Variants in PPEF1 observed in about 807,000 individuals in gnomAD.
PPEF1 encodes the protein protein phosphatase with EF-hand domain 1.
A neutral mutation model predicts 53.3 loss-of-function variants in PPEF1; 12 were observed. That is an observed-to-expected ratio of 0.23 (90% CI 0.14 to 0.36). The LOEUF (loss-of-function observed/expected upper bound fraction) is 0.36, where lower values mean the gene tolerates loss of function less well. Among genes scored for constraint, PPEF1 ranks in the 10% least tolerant of loss-of-function variants. The pLI, the probability that PPEF1 is intolerant of heterozygous loss-of-function variation, is 1.00. For missense variants in PPEF1, 334 were observed against 490.4 expected (o/e 0.68, Z 3.01); for synonymous variants, 165 against 176.7 (o/e 0.93, Z 0.52).
chrX:18,678,202 G>A (rs1288299891), upstream of PPEF1, among the ~76,000 whole-genome samples: 7 of 107,691 alleles, frequency 6.5e-5, no homozygotes, highest in South Asian at 4.1e-4. Flanking sequence ...AAGCTGAGGC[G>A]GGCGGATTGC....
intron 2 of PPEF1, among the ~76,000 whole-genome samples, chrX:18,685,704 GAAAA>G (rs1198719875): frequency 4.4e-5 from 4 of 90,741 alleles, no homozygotes; most frequent in Admixed American, 3.5e-4. Flanking sequence ...AAAAAAAAAA[GAAAA>G]AAAAGCAGTG....
chrX:18,679,343 G>A (rs1013176606), upstream of PPEF1, among the ~76,000 whole-genome samples: 5 of 112,178 alleles, frequency 4.5e-5, no homozygotes, highest in Non-Finnish European at 7.5e-5. Flanking sequence ...CTCTCAAAGT[G>A]TTGGGATTAC....
intron 13 of PPEF1, among the ~76,000 whole-genome samples, chrX:18,819,619 A>C (rs747311512): frequency 8.9e-6 from 1 of 111,801 alleles, no homozygotes; most frequent in Non-Finnish European, 1.9e-5. Context: ...GCTTGAACCC[A>C]GGAGGCAGAG....
chrX:18,714,290 G>A, intron 1 of PPEF1, among the ~76,000 whole-genome samples: 1 of 19,715 alleles, frequency 5.1e-5, no homozygotes, highest in South Asian at 2.8e-3. Flanking sequence ...TTTTTTTTTT[G>A]AGATGGAATC....
chrX:18,759,186 C>T (rs1299041124), intron 5 of PPEF1, among the ~76,000 whole-genome samples: 1 of 111,160 alleles, frequency 9.0e-6, no homozygotes, highest in Non-Finnish European at 1.9e-5. Context: ...GACTTTTTCA[C>T]GTGGCACCAT....
intron 1 of PPEF1, among the ~76,000 whole-genome samples, chrX:18,727,768 G>A (rs749278557): frequency 8.5e-4 from 95 of 111,313 alleles, no homozygotes; most frequent in African/African-American, 3.0e-3. Flanking sequence ...CCCTCTTTGG[G>A]TTCCATTATT....
intron 2 of PPEF1, among the ~76,000 whole-genome samples, chrX:18,731,716 T>G (rs1177275013): frequency 9.0e-6 from 1 of 111,607 alleles, no homozygotes; most frequent in African/African-American, 3.3e-5. Context: ...TTTAGGACAT[T>G]TTCATTTCCC....
intron 2 of PPEF1, among the ~76,000 whole-genome samples, chrX:18,730,963 C>T (rs1031592291): frequency 2.7e-5 from 3 of 111,891 alleles, no homozygotes; most frequent in African/African-American, 9.7e-5. Context: ...AATCCATCTG[C>T]CTTGGCCTCC....
chrX:18,723,423 A>G (rs2044632987), intron 1 of PPEF1, among the ~76,000 whole-genome samples: 1 of 112,226 alleles, frequency 8.9e-6, no homozygotes, highest in African/African-American at 3.2e-5. Context: ...ATGACAGGCA[A>G]TATGCTAAGC....
At position 18,723,783 on chromosome X, in the gene PPEF1, AT is replaced by A. The variant is rs375565489; in HGVS notation, c.47-6384del. 4.1e-3 allele frequency among the ~76,000 whole-genome samples: 419 copies of A among 101,856 alleles called. 3 individuals are homozygous for A. Among genetic ancestry groups the A allele is most frequent in the African/African-American group, 0.011 (300 of 28,313 alleles). The allele number at this position is 101,856 out of a possible 115,157, so 88.4% of individuals were successfully genotyped here. ...GAGATGCTATTCTATATACCATCTG[AT>A]TTTTTTTTTTTTTGAGACAGAGTCT... On this transcript the variant is annotated intron_variant, in intron 1 of 15. Transcript: ENST00000470157.
upstream of PPEF1, among the ~76,000 whole-genome samples, chrX:18,681,752 G>A (rs1011820912): frequency 9.0e-6 from 1 of 111,597 alleles, no homozygotes; most frequent in African/African-American, 3.3e-5. Context: ...CCAGTTGAAT[G>A]TGAGCAGAAG....
chrX:18,792,162 G>C (rs2046336179), intron 10 of PPEF1, among the ~76,000 whole-genome samples: 1 of 111,636 alleles, frequency 9.0e-6, no homozygotes. Context: ...ATCTTTGTCT[G>C]GTTTTGGTAT....
intron 3 of PPEF1, among the ~76,000 whole-genome samples, chrX:18,736,999 G>A (rs1347064702): frequency 1.8e-5 from 2 of 110,974 alleles, no homozygotes; most frequent in Non-Finnish European, 3.8e-5. Flanking sequence ...TTTTTATTAC[G>A]TCTGTTTGAT....
chrX:18,712,896 T>A lies in PPEF1; in HGVS notation c.46+5070T>A, dbSNP rs72616067. Among the ~76,000 whole-genome samples the A allele has an allele frequency of 7.7e-4, 87 of 112,362 alleles. No homozygotes were observed. The East Asian group carries it at 0.019, about 24-fold the overall frequency. The stretch of plus-strand genomic sequence containing the variant: ...CTTGTGGTTTTTGTCCTTTATTTTA[T>A]GATATGGCATATAATGTTAATTAAA... On this transcript the variant is annotated intron_variant, in intron 1 of 15. Coordinates refer to ENST00000470157, the MANE Select transcript of PPEF1 (RefSeq NM_001377996.1).
chrX:18,716,089 C>T (rs768699545), intron 1 of PPEF1, among the ~76,000 whole-genome samples: 1 of 111,759 alleles, frequency 8.9e-6, no homozygotes, highest in African/African-American at 3.2e-5. Context: ...GATGCGTAAG[C>T]TGTGACAAAT....
chrX:18,733,794 A>G lies in PPEF1; in HGVS notation c.221A>G (p.His74Arg). Reference sequence around the variant, plus strand: ...ATGTTGGAAAACTACACACATATACATAAGGAAGAGCTAGGTAAGTAAAAA... The same window carrying G: ...ATGTTGGAAAACTACACACATATACGTAAGGAAGAGCTAGGTAAGTAAAAA... Reference protein sequence around the residue: ...SFMLENYTHIHKEELELRNQS... With the variant: ...SFMLENYTHIRKEELELRNQS... The change falls in exon 3 of 16, where the codon CAT (histidine) becomes CGT (arginine). Residue 74 changes from histidine to arginine, a missense_variant. Physicochemically the swap from His to Arg is conservative, Grantham distance 29 (BLOSUM62 0). Transcript: ENST00000470157. 2 of 1,185,252 alleles carry G rather than the reference A, an allele frequency of 1.7e-6. No individual in the cohort carries two copies. The highest frequency in any genetic ancestry group is 2.3e-6 in the Non-Finnish European group (2 of 882,376).
intron 13 of PPEF1, among the ~76,000 whole-genome samples, chrX:18,818,903 A>T (rs2046974505): frequency 8.9e-6 from 1 of 112,035 alleles, no homozygotes; most frequent in South Asian, 3.7e-4. Flanking sequence ...TGATATTGGT[A>T]TAGCAATCAA....
chrX:18,785,491 C>T (rs1026370071), intron 9 of PPEF1, among the ~76,000 whole-genome samples: 8 of 110,513 alleles, frequency 7.2e-5, no homozygotes, highest in Non-Finnish European at 1.3e-4. Flanking sequence ...TACATACCAC[C>T]CTTCCCCACC....
At chrX:18,747,083 A>T (rs1456926659) in intron 3 of PPEF1, among the ~76,000 whole-genome samples, 1 of 111,297 alleles carries the variant, frequency 9.0e-6, no homozygotes, top group Non-Finnish European at 1.9e-5. Context: ...TTGAAGGATG[A>T]TAAATTGTCC....
Sources: gnomAD v4.1 joint callset for allele counts (sites outside exome capture counted in the v4.1 genomes callset) on GRCh38, gnomAD v4.1.1 for gene constraint, MANE v1.5 for transcripts, NCBI Gene and HGNC (gene_info 2026-07-23, HGNC 2026-07-21) for gene names.